The following FRMD6 variants were observed in gnomAD, a reference collection of about 807,000 sequenced individuals.
FRMD6 encodes the protein FERM domain-containing protein 6.
A neutral mutation model predicts 73.2 loss-of-function variants in FRMD6; 37 were observed. The ratio of observed to expected loss-of-function variants is 0.51; its 90% CI spans 0.39 to 0.66. The LOEUF is 0.66. Among genes scored for constraint, FRMD6 ranks in the 30% least tolerant of loss-of-function variants. The pLI is 0.00. For missense variants in FRMD6, 714 were observed against 780.5 expected (o/e 0.91, Z 1.02); for synonymous variants, 273 against 282.2 (o/e 0.97, Z 0.33).
At chr14:51,715,954 G>T (rs1479525225) in intron 10 of FRMD6, among the ~76,000 whole-genome samples, 1 of 152,176 alleles carries the variant, frequency 6.6e-6, no homozygotes, top group Non-Finnish European at 1.5e-5. Flanking sequence ...ATAAAGGTAG[G>T]TCACAGATGT....
chr14:51,717,115 G>A (rs996380618), intron 10 of FRMD6: 15 of 152,210 alleles, frequency 9.9e-5, no homozygotes, highest in African/African-American at 2.2e-4. Flanking sequence ...GAGACAGGGC[G>A]TTGTTCATTG....
intron 1 of FRMD6, among the ~76,000 whole-genome samples, chr14:51,501,571 G>C (rs1023727496): frequency 6.6e-6 from 1 of 152,150 alleles, no homozygotes; most frequent in Non-Finnish European, 1.5e-5. Flanking sequence ...TGGCTCCATA[G>C]TATTCCATGG....
intron 1 of FRMD6, among the ~76,000 whole-genome samples, chr14:51,682,684 T>G (rs1894886512): frequency 6.6e-6 from 1 of 152,198 alleles, no homozygotes; most frequent in African/African-American, 2.4e-5. Flanking sequence ...TCTTACCATG[T>G]GGCATCAAAG....
chr14:51,461,001 AG>A, the FRMD6 span, among the ~76,000 whole-genome samples: 31 of 152,200 alleles, frequency 2.0e-4, 1 homozygote, highest in Middle Eastern at 3.2e-3. Flanking sequence ...TTTATATAAA[AG>A]ATAGTGGAAA....
At chr14:51,644,778 T>C (rs1891990149) in intron 2 of FRMD6, among the ~76,000 whole-genome samples, 1 of 152,234 alleles carries the variant, frequency 6.6e-6, no homozygotes, top group Admixed American at 6.5e-5. Context: ...TGATTCTGTT[T>C]TTCTGCTCAA....
intron 1 of FRMD6, among the ~76,000 whole-genome samples, chr14:51,663,106 A>C (rs1031894736): frequency 1.3e-5 from 2 of 152,148 alleles, no homozygotes; most frequent in African/African-American, 4.8e-5. Flanking sequence ...TTAAAATGTT[A>C]AAAAAATAAC....
chr14:51,582,951 T>A (rs1354336818), intron 2 of FRMD6, among the ~76,000 whole-genome samples: 1 of 152,192 alleles, frequency 6.6e-6, no homozygotes, highest in Admixed American at 6.6e-5. Flanking sequence ...AATAAGAATA[T>A]TTTATCCTTT....
intron 2 of FRMD6, among the ~76,000 whole-genome samples, chr14:51,638,618 T>G (rs1891679187): frequency 6.6e-6 from 1 of 152,212 alleles, no homozygotes; most frequent in African/African-American, 2.4e-5. Flanking sequence ...TTGTCCAACT[T>G]TCTCCTTTAT....
Position 51,624,644 on chromosome 14 carries a change from G to A in FRMD6, c.-147+54234G>A, listed in dbSNP as rs143486964. On this transcript the variant is annotated intron_variant, in intron 2 of 14. Transcript: ENST00000356218. ...TGCTATCTTTTATAAAATGGCCTCT[G>A]TAAGGCTCTGCTTAGCGAGTGGACA... Among the ~76,000 whole-genome samples, 288 of 152,246 alleles carry A rather than the reference G, an allele frequency of 1.9e-3. 1 individual carries two copies. Among genetic ancestry groups the A allele is most frequent in the African/African-American group, 6.7e-3 (279 of 41,536 alleles).
intron 2 of FRMD6, among the ~76,000 whole-genome samples, chr14:51,591,739 C>T (rs995950043): frequency 4.6e-5 from 7 of 152,108 alleles, no homozygotes; most frequent in African/African-American, 1.4e-4. Context: ...GACGGGGTTT[C>T]ACCATGTTGG....
chr14:51,432,063 G>A, the FRMD6 span, among the ~76,000 whole-genome samples: 5 of 152,074 alleles, frequency 3.3e-5, no homozygotes, highest in African/African-American at 1.2e-4. Context: ...AACACATAAC[G>A]ACAAGCTCTT....
At chr14:51,437,040 A>G in the FRMD6 span, 1 of 489,686 alleles carries the variant, frequency 2.0e-6, no homozygotes, top group South Asian at 1.9e-5. Context: ...ACAACGTGCA[A>G]GTTTGTTACA....
At chr14:51,432,204 G>A in the FRMD6 span, among the ~76,000 whole-genome samples, 60 of 152,160 alleles carry the variant, frequency 3.9e-4, no homozygotes, top group Middle Eastern at 3.4e-3. Flanking sequence ...AGAGAGTAGC[G>A]GAAATGCTGC....
chr14:51,472,343 G>A, the FRMD6 span, among the ~76,000 whole-genome samples: 4 of 151,778 alleles, frequency 2.6e-5, no homozygotes, highest in Non-Finnish European at 4.4e-5. Context: ...TCTCTCTGTC[G>A]CCCAGGCTGG....
At position 51,629,038 on chromosome 14, in the gene FRMD6, G is replaced by A. The variant is rs899354203; in HGVS notation, c.-147+58628G>A. 7.3e-5 allele frequency among the ~76,000 whole-genome samples: 11 copies of A among 151,616 alleles called. No individual in the cohort carries two copies. In the East Asian group the frequency reaches 1.4e-3, roughly 19 times the overall value. ...ACTACAGACGCCCGCCACCACGCCCGGCTAATTTTTTGTATTTTTAGTAGA... is the reference window on the plus strand; with the variant it reads ...ACTACAGACGCCCGCCACCACGCCCAGCTAATTTTTTGTATTTTTAGTAGA... On this transcript the variant is annotated intron_variant, in intron 2 of 14. Transcript: ENST00000356218.
chr14:51,490,590 G>T (rs1248579613), intron 1 of FRMD6, among the ~76,000 whole-genome samples: 1 of 135,362 alleles, frequency 7.4e-6, no homozygotes, highest in African/African-American at 2.6e-5. Flanking sequence ...CACAGTGCTA[G>T]GTCCTGGACG....
intron 1 of FRMD6, among the ~76,000 whole-genome samples, chr14:51,542,303 A>C (rs1295282886): frequency 6.6e-6 from 1 of 152,020 alleles, no homozygotes; most frequent in Admixed American, 6.6e-5. Flanking sequence ...TCCTACCCGC[A>C]GTCTGACAAC....
intron 1 of FRMD6, among the ~76,000 whole-genome samples, chr14:51,512,147 A>G (rs1209783607): frequency 6.6e-6 from 1 of 152,220 alleles, no homozygotes; most frequent in African/African-American, 2.4e-5. Context: ...TAGCCAGGCT[A>G]TCCTTCAACT....
chr14:51,476,001 C>T, the FRMD6 span, among the ~76,000 whole-genome samples: 1 of 152,112 alleles, frequency 6.6e-6, no homozygotes, highest in South Asian at 2.1e-4. Flanking sequence ...TCATCATTTG[C>T]CCCCGGCTAT....
Sources: allele counts gnomAD v4.1 joint callset (sites outside exome capture counted in the v4.1 genomes callset), GRCh38; gene constraint gnomAD v4.1.1; transcripts MANE v1.5; gene names NCBI Gene and HGNC (gene_info 2026-07-23, HGNC 2026-07-21).